The following COLEC10 variants were observed in gnomAD, a reference collection of about 807,000 sequenced individuals.
COLEC10 encodes the protein collectin subfamily member 10.
In COLEC10, 22 loss-of-function variants were observed where a neutral mutation model predicts 28.4. That is an observed-to-expected ratio of 0.78 (90% CI 0.55 to 1.11). The LOEUF is 1.11. Ranked by LOEUF, COLEC10 falls within the 50% of genes least tolerant of loss-of-function variation. COLEC10 has a pLI of 0.00. For missense variants in COLEC10, 361 were observed against 344.1 expected (o/e 1.05, Z -0.39); for synonymous variants, 125 against 116.1 (o/e 1.08, Z -0.49).
chr8:119,022,861 G>T (rs1351483149), intron 2 of COLEC10, among the ~76,000 whole-genome samples: 1 of 152,048 alleles, frequency 6.6e-6, no homozygotes, highest in Non-Finnish European at 1.5e-5. Flanking sequence ...TTGAAAATCT[G>T]CCCAAGGCCC....
chr8:118,985,452 C>G, the COLEC10 span, among the ~76,000 whole-genome samples: 10 of 152,006 alleles, frequency 6.6e-5, no homozygotes, highest in Non-Finnish European at 1.5e-4. Flanking sequence ...AAAGCGGCTT[C>G]TGAGCCTGGT....
chr8:119,043,107 A>G (rs1814526906), intron 2 of COLEC10, among the ~76,000 whole-genome samples: 1 of 152,248 alleles, frequency 6.6e-6, no homozygotes, highest in Non-Finnish European at 1.5e-5. Context: ...ACACATGCAG[A>G]AAGCAGATAA....
chr8:119,007,462 A>G (rs1813825329), intron 1 of COLEC10, among the ~76,000 whole-genome samples: 1 of 151,450 alleles, frequency 6.6e-6, no homozygotes, highest in African/African-American at 2.5e-5. Flanking sequence ...ACGTTTAGAA[A>G]TTATTGGGAT....
rs769207383 is a variant in COLEC10 at position 119,105,978 on chromosome 8, G to A, written c.621G>A (p.Val207=). Residue 207 remains valine (V), a synonymous_variant, in exon 6 of 6, where the codon GTG becomes GTA. Transcript: ENST00000332843. ...DYVAKSGFFR[V]FIGVNDLERE... ...TTGCCAAGAGTGGCTTCTTTCGGGTGTTCATTGGCGTGAATGACCTTGAAA... is the reference window on the plus strand; with the variant it reads ...TTGCCAAGAGTGGCTTCTTTCGGGTATTCATTGGCGTGAATGACCTTGAAA... 6.2e-7 allele frequency: 1 copy of A among 1,613,834 alleles called. No homozygotes were observed. The highest frequency in any genetic ancestry group is 1.1e-5 in the South Asian group (1 of 91,066).
At chr8:118,984,199 T>C in the COLEC10 span, among the ~76,000 whole-genome samples, 2 of 152,036 alleles carry the variant, frequency 1.3e-5, no homozygotes, top group African/African-American at 4.8e-5. Flanking sequence ...TGGATGGAGC[T>C]GGAGGCCATA....
At chr8:119,035,907 A>G (rs1208776422) in intron 2 of COLEC10, among the ~76,000 whole-genome samples, 2 of 152,126 alleles carry the variant, frequency 1.3e-5, no homozygotes, top group African/African-American at 4.8e-5. Flanking sequence ...TTCTCAAGTT[A>G]TGCTGTTTAA....
At chr8:118,993,336 T>C (rs559087325), upstream of COLEC10, among the ~76,000 whole-genome samples, 5 of 152,170 alleles carry the variant, frequency 3.3e-5, no homozygotes, top group South Asian at 8.3e-4. Flanking sequence ...TTCTTGTTTT[T>C]TGTTTGTTTG....
At chr8:119,015,679 G>A (rs1182875815) in intron 2 of COLEC10, among the ~76,000 whole-genome samples, 1 of 152,182 alleles carries the variant, frequency 6.6e-6, no homozygotes, top group Non-Finnish European at 1.5e-5. Flanking sequence ...TGGTTCCTGT[G>A]AAAGTTTCTG....
intron 1 of COLEC10, among the ~76,000 whole-genome samples, chr8:119,086,819 G>C (rs572197619): frequency 1.3e-5 from 2 of 152,304 alleles, no homozygotes; most frequent in East Asian, 3.9e-4. Flanking sequence ...TGAGCAGGAC[G>C]CGCATCATTA....
In COLEC10 at chr8:119,106,520, CTG is replaced by C; in HGVS notation, c.*333_*334del. ...CTCTACCATCTCTCCCTAGAGCACT[CTG>C]TGTCTATCCCAGTGGATAATTTCCC... is the stretch of plus-strand genomic sequence containing the variant. On this transcript the variant is annotated 3_prime_UTR_variant, in exon 6 of 6. Transcript: ENST00000332843. The C allele has an allele frequency of 9.3e-6, 2 of 215,632 alleles. No individual in the cohort carries two copies. Among genetic ancestry groups the C allele is most frequent in the East Asian group, 1.0e-4 (1 of 9,936 alleles). The allele number at this position is 215,632 out of a possible 1,614,324, so 13.4% of individuals were successfully genotyped here. A position where few individuals can be genotyped will look rare whatever the true frequency, so the allele number is the denominator to read the frequency against.
the COLEC10 span, among the ~76,000 whole-genome samples, chr8:118,964,839 A>G: frequency 6.6e-6 from 1 of 152,174 alleles, no homozygotes; most frequent in Non-Finnish European, 1.5e-5. Flanking sequence ...CACATCGACC[A>G]GATACTGTTC....
rs1299681634 is a variant in COLEC10 at position 119,103,879 on chromosome 8, GA to G, written c.428del (p.Lys143SerfsTer6). 7.5e-6 allele frequency: 12 copies of G among 1,610,450 alleles called. No homozygotes were observed. The highest frequency in any genetic ancestry group is 9.3e-6 in the Non-Finnish European group (11 of 1,177,004). On this transcript the variant is annotated frameshift_variant, in exon 5 of 6. Transcript: ENST00000332843. LOFTEE classifies it high-confidence loss of function. ...GTATTGCTCGGCTCAAGACATCTAT[GA>G]AGTTTGTCAAGAATGGTGAGCATAT... Reference protein sequence around the residue: ...ISIARLKTSMKFVKNVIAGIR... With the variant: ...ISIARLKTSMXFVKNVIAGIR...
At chr8:119,070,623 C>A (rs1164936408) in intron 1 of COLEC10, among the ~76,000 whole-genome samples, 1 of 146,284 alleles carries the variant, frequency 6.8e-6, no homozygotes, top group Admixed American at 6.9e-5. Flanking sequence ...CTTTTTTTCT[C>A]CCTCTTCCCC....
At chr8:119,088,946 G>T (rs1815535538) in intron 1 of COLEC10, among the ~76,000 whole-genome samples, 1 of 116,934 alleles carries the variant, frequency 8.6e-6, no homozygotes, top group South Asian at 2.4e-4. Context: ...GACTCAGAGA[G>T]GGAAGTTCTG....
chr8:119,068,564 C>CA (rs1224683402), intron 1 of COLEC10: 1 of 152,110 alleles, frequency 6.6e-6, no homozygotes, highest in South Asian at 2.1e-4. Context: ...CCTGGGGTGT[C>CA]ATGGGGGCAT....
chr8:119,057,267 T>C (rs1274864752), intron 2 of COLEC10, among the ~76,000 whole-genome samples: 1 of 152,088 alleles, frequency 6.6e-6, no homozygotes, highest in East Asian at 1.9e-4. Context: ...AAGAAAGTAC[T>C]TGCTTCTCCT....
At chr8:119,065,855 CAAAAAA>C (rs3083298), upstream of COLEC10, among the ~76,000 whole-genome samples, 1 of 137,562 alleles carries the variant, frequency 7.3e-6, no homozygotes, top group African/African-American at 2.7e-5. Flanking sequence ...GACTCCATCT[CAAAAAA>C]AAAAAAGAAA....
intron 2 of COLEC10, among the ~76,000 whole-genome samples, chr8:119,031,243 T>C (rs1814282178): frequency 6.6e-6 from 1 of 152,172 alleles, no homozygotes; most frequent in South Asian, 2.1e-4. Flanking sequence ...TTTGCATTTG[T>C]TAAATCTGTC....
chr8:118,989,542 C>CACAT, the COLEC10 span, among the ~76,000 whole-genome samples: 1 of 144,808 alleles, frequency 6.9e-6, no homozygotes. Flanking sequence ...AATACACACA[C>CACAT]ACACACACAC....
Sources: allele counts gnomAD v4.1 joint callset (sites outside exome capture counted in the v4.1 genomes callset), GRCh38; gene constraint gnomAD v4.1.1; transcripts MANE v1.5; gene names NCBI Gene and HGNC (gene_info 2026-07-23, HGNC 2026-07-21).